Variants in MAGI2 observed in about 807,000 individuals in gnomAD.
MAGI2 encodes the protein membrane associated guanylate kinase, WW and PDZ domain containing 2, also known as membrane-associated guanylate kinase, WW and PDZ domain-containing protein 2.
MAGI2 carries 35 observed loss-of-function variants against 133.3 expected under a neutral mutation model. That is an observed-to-expected ratio of 0.26 (90% CI 0.20 to 0.35). The LOEUF is 0.35. Among genes scored for constraint, MAGI2 ranks in the 10% least tolerant of loss-of-function variants. The pLI is 1.00. For missense variants in MAGI2, 1,636 were observed against 1,863.4 expected, an observed-to-expected ratio of 0.88 and a Z score of 2.25; for synonymous variants, 729 against 710.6, an observed-to-expected ratio of 1.03 and a Z score of -0.41.
chr7:79,427,473 A>G (rs989869170), intron 1 of MAGI2, among the ~76,000 whole-genome samples: 24 of 152,198 alleles, frequency 1.6e-4, no homozygotes, highest in African/African-American at 5.1e-4. Context: ...CAGACAAATA[A>G]AAGAATGTAG....
intron 2 of MAGI2, among the ~76,000 whole-genome samples, chr7:78,952,776 T>C (rs1277104799): frequency 3.9e-5 from 6 of 152,200 alleles, no homozygotes. Context: ...TAAAGTTTCC[T>C]TACATGGTTT....
intron 21 of MAGI2, among the ~76,000 whole-genome samples, chr7:78,034,557 TC>T (rs917894940): frequency 2.6e-5 from 4 of 152,200 alleles, no homozygotes; most frequent in African/African-American, 4.8e-5. Context: ...AGATGGAGTC[TC>T]GCTCTGTCAC....
intron 1 of MAGI2, among the ~76,000 whole-genome samples, chr7:79,377,743 A>G (rs1365806681): frequency 6.6e-6 from 1 of 151,794 alleles, no homozygotes; most frequent in Non-Finnish European, 1.5e-5. Context: ...AGTGACAGTG[A>G]CTTGATTGTG....
At chr7:79,044,620 AG>A (rs142107367) in intron 1 of MAGI2, among the ~76,000 whole-genome samples, 2,589 of 152,324 alleles carry the variant, frequency 0.017, 98 homozygotes, top group East Asian at 0.16. Flanking sequence ...ATAGGAAGAA[AG>A]GAAGTCAAAC....
chr7:78,054,557 C>T (rs1039669143), intron 21 of MAGI2, among the ~76,000 whole-genome samples: 7 of 150,816 alleles, frequency 4.6e-5, no homozygotes, highest in Non-Finnish European at 8.8e-5. Context: ...TCTTATGTAA[C>T]GATTATTTAA....
intron 7 of MAGI2, chr7:78,352,056 G>C (rs1457016398): frequency 2.6e-5 from 4 of 152,136 alleles, no homozygotes; most frequent in African/African-American, 9.7e-5. Context: ...CAGAGTTGTT[G>C]TGCATATTAA....
intron 6 of MAGI2, among the ~76,000 whole-genome samples, chr7:78,400,451 G>T (rs1176062820): frequency 6.6e-6 from 1 of 152,122 alleles, no homozygotes; most frequent in Non-Finnish European, 1.5e-5. Flanking sequence ...TTAGTGTACA[G>T]ATCTGATTTT....
At chr7:79,024,547 A>T (rs148824985) in intron 1 of MAGI2, among the ~76,000 whole-genome samples, 1 of 151,678 alleles carries the variant, frequency 6.6e-6, no homozygotes, top group East Asian at 1.9e-4. Context: ...AAAACAAAAA[A>T]CTATCAACAA....
intron 1 of MAGI2, among the ~76,000 whole-genome samples, chr7:79,167,063 C>G (rs1407533887): frequency 6.6e-6 from 1 of 151,886 alleles, no homozygotes; most frequent in African/African-American, 2.4e-5. Context: ...GTTTGAGAAG[C>G]TTTATTTTAT....
intron 2 of MAGI2, among the ~76,000 whole-genome samples, chr7:78,670,360 A>C (rs1814219029): frequency 6.6e-6 from 1 of 152,216 alleles, no homozygotes; most frequent in African/African-American, 2.4e-5. Flanking sequence ...AATCCAACTT[A>C]CAAGGGATGT....
intron 21 of MAGI2, among the ~76,000 whole-genome samples, chr7:78,052,125 C>T (rs1328532879): frequency 6.6e-6 from 1 of 151,570 alleles, no homozygotes; most frequent in African/African-American, 2.4e-5. Flanking sequence ...CTCACCCTGG[C>T]CTCCCAAGTG....
At chr7:78,698,126 T>C (rs920134632) in intron 2 of MAGI2, among the ~76,000 whole-genome samples, 4 of 152,224 alleles carry the variant, frequency 2.6e-5, no homozygotes, top group Non-Finnish European at 5.9e-5. Context: ...ACGAATGCTT[T>C]CCACTACAGT....
intron 1 of MAGI2, chr7:79,008,634 A>G (rs1277338200): frequency 1.3e-5 from 2 of 152,160 alleles, no homozygotes; most frequent in Non-Finnish European, 2.9e-5. Flanking sequence ...GTGTACATAA[A>G]TATTACATCC....
At chr7:78,997,651 AG>A (rs1806442759) in intron 2 of MAGI2, among the ~76,000 whole-genome samples, 1 of 151,916 alleles carries the variant, frequency 6.6e-6, no homozygotes. Context: ...TTCTTAAAAC[AG>A]AATTGACTGT....
At chr7:78,374,165 G>A (rs1009063027) in intron 6 of MAGI2, among the ~76,000 whole-genome samples, 5 of 152,136 alleles carry the variant, frequency 3.3e-5, no homozygotes, top group African/African-American at 1.2e-4. Flanking sequence ...AGTTCTTTGA[G>A]AAACTGTCAA....
In MAGI2 at chr7:79,430,880, C is replaced by T. The variant is rs184217614; in HGVS notation, c.301+22140G>A. Among the ~76,000 whole-genome samples, 74 of 152,250 alleles carry T rather than the reference C, an allele frequency of 4.9e-4. 1 individual carries two copies. Among genetic ancestry groups the T allele is most frequent in the African/African-American group, 1.6e-3 (67 of 41,556 alleles). ...TGTGGCTTGAATACACTTGGGTTTT[C>T]GTCTGCAATGCCAAAGAAGACCAAA... On this transcript the variant is annotated intron_variant, in intron 1 of 21. Transcript: ENST00000354212.
chr7:78,807,367 C>T (rs1788665758), intron 2 of MAGI2, among the ~76,000 whole-genome samples: 1 of 152,100 alleles, frequency 6.6e-6, no homozygotes, highest in Non-Finnish European at 1.5e-5. Context: ...AGCTATTTTT[C>T]AAAACATATT....
At chr7:79,157,850 G>GTTT (rs35889003) in intron 1 of MAGI2, among the ~76,000 whole-genome samples, 1 of 84,122 alleles carries the variant, frequency 1.2e-5, no homozygotes, top group Non-Finnish European at 2.6e-5. Flanking sequence ...TATCTAACAA[G>GTTT]TTTTTTTTTT....
chr7:79,201,651 T>A (rs1260048600), intron 1 of MAGI2, among the ~76,000 whole-genome samples: 1 of 151,952 alleles, frequency 6.6e-6, no homozygotes, highest in Non-Finnish European at 1.5e-5. Context: ...TCTAAGAAGT[T>A]TGGGTTTGTT....
Sources: gnomAD v4.1 joint callset for allele counts (sites outside exome capture counted in the v4.1 genomes callset) on GRCh38, gnomAD v4.1.1 for gene constraint, MANE v1.5 for transcripts, NCBI Gene and HGNC (gene_info 2026-07-23, HGNC 2026-07-21) for gene names.